Variants in F13B observed in about 807,000 individuals in gnomAD.
The protein encoded by F13B is coagulation factor XIII B chain.
Under a neutral mutation model 79.8 loss-of-function variants are expected in F13B, and 58 were observed. The observed-to-expected ratio is 0.73, with a 90% CI of 0.59 to 0.90. The LOEUF is 0.90. F13B is among the 40% of genes least tolerant of loss of function. The probability of loss-of-function intolerance (pLI) is 0.00; values close to 1 mark genes in which losing one functional copy is unlikely to be tolerated. For missense variants in F13B, 773 were observed against 777.0 expected (o/e 0.99, Z 0.06); for synonymous variants, 283 against 260.3 (o/e 1.09, Z -0.84).
chr1:197,058,225 A>G (rs537174185), intron 5 of F13B, among the ~76,000 whole-genome samples: 9 of 152,284 alleles, frequency 5.9e-5, no homozygotes, highest in African/African-American at 2.2e-4. Context: ...TTATAGACAA[A>G]CTAAAACTTA....
chr1:197,047,058 T>C (rs1159322279), intron 10 of F13B, among the ~76,000 whole-genome samples: 1 of 152,138 alleles, frequency 6.6e-6, no homozygotes, highest in African/African-American at 2.4e-5. Flanking sequence ...ATACAAACCC[T>C]AGAAGAAAAC....
At chr1:197,047,641 G>A (rs1655282297) in intron 10 of F13B, among the ~76,000 whole-genome samples, 1 of 152,112 alleles carries the variant, frequency 6.6e-6, no homozygotes, top group Admixed American at 6.6e-5. Context: ...TCATTACTGG[G>A]TATATACCCA....
At chr1:197,055,244 T>C (rs539349242) in intron 8 of F13B, among the ~76,000 whole-genome samples, 1 of 152,120 alleles carries the variant, frequency 6.6e-6, no homozygotes, top group East Asian at 1.9e-4. Context: ...AACAAACGTG[T>C]CCATTCAGAT....
At position 197,039,290 on chromosome 1, in the gene F13B, G is replaced by A. The variant is rs867375990; in HGVS notation, c.*88C>T. On this transcript the variant is annotated 3_prime_UTR_variant, in exon 12 of 12. Transcript: ENST00000367412. The stretch of plus-strand genomic sequence containing the variant: ...AAATATTTAAGCAAGGAAAAACTCC[G>A]AAGTTTTTAACTTATTTCCTCAAAA... The A allele has an allele frequency of 6.1e-6, 7 of 1,156,880 alleles. No homozygotes were observed. Among genetic ancestry groups the A allele is most frequent in the East Asian group, 2.4e-5 (1 of 42,240 alleles). The allele number at this position is 1,156,880 out of a possible 1,614,324, so 71.7% of individuals were successfully genotyped here. A position where few individuals can be genotyped will look rare whatever the true frequency, so the allele number is the denominator to read the frequency against.
rs113072368 is a variant in F13B at position 197,052,960 on chromosome 1, TTC to T, written c.1355-128_1355-127del. 1.0e-3 allele frequency: 576 copies of T among 549,870 alleles called. 13 individuals are homozygous for T. The highest frequency in any genetic ancestry group is 1.4e-3 in the Non-Finnish European group (442 of 317,558). 34.1% of individuals were successfully genotyped at this position (549,870 alleles called of 1,614,324 possible). On this transcript the variant is annotated intron_variant, in intron 8 of 11. Transcript: ENST00000367412. ...TTATAATTGAAATCATAATTAAGGC[TTC>T]TCTCACACACATATATATATAAGAA...
intron 10 of F13B, 26 bp from the exon 11 acceptor site, chr1:197,040,761 G>A (rs1553319135): frequency 6.5e-7 from 1 of 1,536,664 alleles, no homozygotes; most frequent in Non-Finnish European, 8.9e-7. Flanking sequence ...TAAAAAAAAA[G>A]AAAGAAAAAG....
intron 10 of F13B, among the ~76,000 whole-genome samples, chr1:197,043,516 G>A (rs999842223): frequency 5.3e-5 from 8 of 152,164 alleles, no homozygotes; most frequent in Admixed American, 2.0e-4. Flanking sequence ...TTAATAAAAA[G>A]TATGAATTAT....
chr1:197,051,659 AG>A (rs1332651015), intron 9 of F13B, among the ~76,000 whole-genome samples: 1 of 152,120 alleles, frequency 6.6e-6, no homozygotes, highest in East Asian at 1.9e-4. Flanking sequence ...CATCCTATAT[AG>A]GTATATATGC....
chr1:197,055,378 A>G (rs1420287460), intron 8 of F13B, among the ~76,000 whole-genome samples: 1 of 152,036 alleles, frequency 6.6e-6, no homozygotes, highest in Non-Finnish European at 1.5e-5. Flanking sequence ...TTCTGAGGGC[A>G]ATACAAGCAG....
At position 197,061,045 on chromosome 1, in the gene F13B, C is replaced by A; in HGVS notation, c.482G>T (p.Gly161Val). 1 of 1,590,014 alleles carries A rather than the reference C, an allele frequency of 6.3e-7. No homozygotes were observed. The highest frequency in any genetic ancestry group is 1.1e-5 in the South Asian group (1 of 88,648). Residue 161 changes from glycine to valine, a missense_variant, in exon 4 of 12, where the codon GGA becomes GTA. Gly to Val is a moderately radical substitution (Grantham distance 109). Transcript: ENST00000367412. The part of the protein sequence containing the change: ...ETCLAPELYN[G>V]NYSTTQKTFK... Reference sequence around the variant, plus strand: ...TGTTTTCTGTGTTGTGGAATAATTTCCATTATATAATTCAGGAGCCAAACA... The same window carrying A: ...TGTTTTCTGTGTTGTGGAATAATTTACATTATATAATTCAGGAGCCAAACA...
intron 5 of F13B, among the ~76,000 whole-genome samples, chr1:197,059,342 T>C (rs1214406105): frequency 1.3e-5 from 2 of 152,210 alleles, no homozygotes; most frequent in Non-Finnish European, 2.9e-5. Context: ...AAAGTTACTG[T>C]ACAGTGCATT....
intron 7 of F13B, among the ~76,000 whole-genome samples, chr1:197,056,274 G>C (rs1180329070): frequency 6.6e-6 from 1 of 151,910 alleles, no homozygotes; most frequent in South Asian, 2.1e-4. Flanking sequence ...TTCATCTCAG[G>C]TCTCAATAGA....
rs767820921 is a variant in F13B at position 197,055,818 on chromosome 1, T to C, written c.1251A>G (p.Thr417=). The C allele has an allele frequency of 4.3e-6, 7 of 1,613,582 alleles. No individual in the cohort carries two copies. The Admixed American group carries it at 1.2e-4, about 27-fold the overall frequency. ...TGCATCTATATTCCACTGAGGATCCTGTTGCATAGCTTGCCAATATCCCGT... is the reference window on the plus strand; with the variant it reads ...TGCATCTATATTCCACTGAGGATCCCGTTGCATAGCTTGCCAATATCCCGT... The part of the protein sequence containing the change: ...VADGILASYA[T]GSSVEYRCNE... The change falls in exon 8 of 12, where the codon ACA becomes ACG. Residue 417 remains threonine (T), a synonymous_variant. Transcript: ENST00000367412.
rs1655410855 is a variant in F13B, at chr1:197,050,736, A to T, written c.1699T>A (p.Cys567Ser). 1 of 1,613,344 alleles carries T rather than the reference A, an allele frequency of 6.2e-7. No homozygotes were observed. Among genetic ancestry groups the T allele is most frequent in the African/African-American group, 1.3e-5 (1 of 74,992 alleles). The change falls in exon 10 of 12, where the codon TGT (cysteine) becomes AGT (serine). Residue 567 changes from cysteine to serine, a missense_variant. Coordinates refer to ENST00000367412, the MANE Select transcript of F13B (RefSeq NM_001994.3). ...GGTGTAGTCCACATTCCATCTAAAC[A>T]ATAGGCCTCCCTAGATCCTTCTAGG... Reference protein sequence around the residue: ...HFLEGSREAYCLDGMWTTPPL... With the variant: ...HFLEGSREAYSLDGMWTTPPL...
At chr1:197,044,317 G>T (rs1045410679) in intron 10 of F13B, among the ~76,000 whole-genome samples, 5 of 152,040 alleles carry the variant, frequency 3.3e-5, no homozygotes, top group Non-Finnish European at 5.9e-5. Context: ...CAGCGTTATG[G>T]GGGGAGGGTC....
At chr1:197,045,626 T>C (rs546319680) in intron 10 of F13B, among the ~76,000 whole-genome samples, 4 of 152,198 alleles carry the variant, frequency 2.6e-5, no homozygotes, top group African/African-American at 7.2e-5. Context: ...TTCCAATCAA[T>C]AGAAAAAGAG....
At chr1:197,045,227 T>A (rs1655186389) in intron 10 of F13B, among the ~76,000 whole-genome samples, 1 of 152,080 alleles carries the variant, frequency 6.6e-6, no homozygotes, top group African/African-American at 2.4e-5. Flanking sequence ...AGGAACTGTT[T>A]TTTTAAAAAA....
intron 8 of F13B, among the ~76,000 whole-genome samples, chr1:197,053,127 C>T (rs1002367505): frequency 6.6e-6 from 1 of 151,954 alleles, no homozygotes; most frequent in Non-Finnish European, 1.5e-5. Context: ...AAAATAAAAA[C>T]CTTTAACTAC....
chr1:197,055,133 C>A (rs1306004236), intron 8 of F13B, among the ~76,000 whole-genome samples: 1 of 151,880 alleles, frequency 6.6e-6, no homozygotes, highest in African/African-American at 2.4e-5. Context: ...TGCATCATAT[C>A]ATAGCATTTT....
Sources: allele counts gnomAD v4.1 joint callset (sites outside exome capture counted in the v4.1 genomes callset), GRCh38; gene constraint gnomAD v4.1.1; transcripts MANE v1.5; gene names NCBI Gene and HGNC (gene_info 2026-07-23, HGNC 2026-07-21).